Variants in GPC6 observed in about 807,000 individuals in gnomAD.
GPC6 encodes the protein glypican-6.
GPC6 carries 14 observed loss-of-function variants against 55.2 expected under a neutral mutation model. That is an observed-to-expected ratio of 0.25 (90% CI 0.17 to 0.40). The LOEUF is 0.40. Ranked by LOEUF, GPC6 falls within the 10% of genes least tolerant of loss-of-function variation. The pLI is 1.00. For synonymous variants in GPC6, 278 were observed against 259.6 expected, an observed-to-expected ratio of 1.07 and a Z score of -0.68; for missense variants, 641 against 708.5, an observed-to-expected ratio of 0.90 and a Z score of 1.08.
chr13:93,317,069 G>A (rs1365137836), intron 1 of GPC6, among the ~76,000 whole-genome samples: 2 of 152,076 alleles, frequency 1.3e-5, no homozygotes, highest in African/African-American at 4.8e-5. Context: ...GTTTAGTAAT[G>A]TAATGGGAGA....
At chr13:94,193,866 T>G (rs755075028) in intron 4 of GPC6, among the ~76,000 whole-genome samples, 4 of 152,214 alleles carry the variant, frequency 2.6e-5, no homozygotes, top group African/African-American at 4.8e-5. Flanking sequence ...GGTTGAGCTT[T>G]TGGCGGAATT....
intron 1 of GPC6, among the ~76,000 whole-genome samples, chr13:93,321,247 C>A (rs1028877096): frequency 6.6e-6 from 1 of 152,140 alleles, no homozygotes; most frequent in Non-Finnish European, 1.5e-5. Context: ...TTCAGCCTTC[C>A]CAGTGCCTAA....
chr13:93,848,065 C>T lies in GPC6; in HGVS notation c.711+17520C>T, dbSNP rs540659969. On this transcript the variant is annotated intron_variant, in intron 3 of 8. Coordinates refer to ENST00000377047, the MANE Select transcript of GPC6 (RefSeq NM_005708.5). ...CATTGACTCAATTTCTGGGGCCAGT[C>T]AATTTAATGTCAGCATCCCATAATC... Among the ~76,000 whole-genome samples the T allele has an allele frequency of 3.3e-5, 5 of 152,240 alleles. No individual in the cohort carries two copies. In the South Asian group the frequency reaches 1.0e-3, roughly 32 times the overall value.
chr13:94,114,703 T>G (rs1235862010), intron 4 of GPC6, among the ~76,000 whole-genome samples: 3 of 152,104 alleles, frequency 2.0e-5, no homozygotes, highest in Non-Finnish European at 4.4e-5. Context: ...CCTATCTGGT[T>G]TCAAATTTTA....
At chr13:93,523,073 A>G (rs1486756264) in intron 1 of GPC6, among the ~76,000 whole-genome samples, 5 of 151,378 alleles carry the variant, frequency 3.3e-5, no homozygotes, top group African/African-American at 9.7e-5. Context: ...ACATATACAT[A>G]TATGTGTGTA....
chr13:94,031,225 G>T (rs944501732), intron 4 of GPC6, among the ~76,000 whole-genome samples: 6 of 152,116 alleles, frequency 3.9e-5, no homozygotes, highest in Admixed American at 3.9e-4. Context: ...TTGCTCAAAA[G>T]ATTCTTACCA....
chr13:93,442,051 A>G (rs979432837), intron 1 of GPC6, among the ~76,000 whole-genome samples: 1 of 152,184 alleles, frequency 6.6e-6, no homozygotes, highest in Non-Finnish European at 1.5e-5. Context: ...ACAAAAGAAG[A>G]TAGATGATAA....
chr13:93,240,062 C>G (rs1876376933), intron 1 of GPC6, among the ~76,000 whole-genome samples: 1 of 152,000 alleles, frequency 6.6e-6, no homozygotes, highest in Admixed American at 6.5e-5. Context: ...TATGGTCTAT[C>G]TTGGAAACTA....
At chr13:94,039,058 C>T (rs1883437969) in intron 4 of GPC6, among the ~76,000 whole-genome samples, 1 of 151,858 alleles carries the variant, frequency 6.6e-6, no homozygotes, top group Admixed American at 6.6e-5. Context: ...TTGGTGACAC[C>T]AGGGGGGGAA....
At chr13:93,666,347 A>T (rs1245961133) in intron 2 of GPC6, among the ~76,000 whole-genome samples, 5 of 152,070 alleles carry the variant, frequency 3.3e-5, no homozygotes, top group African/African-American at 1.2e-4. Flanking sequence ...TATACTTTAA[A>T]AAAAAAAAGG....
At chr13:93,488,930 C>T (rs1442064791) in intron 1 of GPC6, among the ~76,000 whole-genome samples, 15 of 152,086 alleles carry the variant, frequency 9.9e-5, no homozygotes, top group South Asian at 2.1e-4. Flanking sequence ...TGCCTGTTCC[C>T]GCTGATGGTA....
intron 4 of GPC6, among the ~76,000 whole-genome samples, chr13:94,280,758 G>A (rs1372847630): frequency 2.6e-5 from 4 of 152,004 alleles, no homozygotes; most frequent in South Asian, 4.1e-4. Context: ...GCAGCAGATC[G>A]GTAAGAGTAG....
chr13:93,794,262 C>T (rs1886133876), intron 2 of GPC6, among the ~76,000 whole-genome samples: 1 of 152,180 alleles, frequency 6.6e-6, no homozygotes, highest in Non-Finnish European at 1.5e-5. Flanking sequence ...AGAAAAACCA[C>T]AGACTGGAAG....
chr13:93,932,183 G>C (rs1878211931), intron 3 of GPC6, among the ~76,000 whole-genome samples: 1 of 152,338 alleles, frequency 6.6e-6, no homozygotes, highest in Non-Finnish European at 1.5e-5. Context: ...ATGCTAAAAA[G>C]AGTGCTGATT....
rs530351665 is a variant in GPC6, at chr13:93,541,131, C to T, written c.161-4132C>T. ...TGCTGGTGTGCTGCACCCACTAACT[C>T]GTCATTTAGCATTAGGTATATCTCC... On this transcript the variant is annotated intron_variant, in intron 1 of 8. Transcript: ENST00000377047. 4.0e-5 allele frequency among the ~76,000 whole-genome samples: 6 copies of T among 149,494 alleles called. No homozygotes were observed. The South Asian group carries it at 1.1e-3, about 27-fold the overall frequency.
chr13:94,040,190 G>A (rs1243088437), intron 4 of GPC6, among the ~76,000 whole-genome samples: 2 of 151,778 alleles, frequency 1.3e-5, no homozygotes, highest in East Asian at 3.9e-4. Context: ...AAGCATGAAA[G>A]TTGTTAATTT....
chr13:94,167,812 A>C (rs956420161), intron 4 of GPC6, among the ~76,000 whole-genome samples: 1 of 152,204 alleles, frequency 6.6e-6, no homozygotes, highest in African/African-American at 2.4e-5. Context: ...GGGCTTTGTA[A>C]ACTACAGAGG....
chr13:94,119,772 A>G (rs1279405219), intron 4 of GPC6, among the ~76,000 whole-genome samples: 1 of 152,038 alleles, frequency 6.6e-6, no homozygotes, highest in Non-Finnish European at 1.5e-5. Context: ...TATGCTAGTA[A>G]ATGTTTAACA....
chr13:93,527,671 T>G (rs915028168), intron 1 of GPC6, among the ~76,000 whole-genome samples: 3 of 152,116 alleles, frequency 2.0e-5, no homozygotes, highest in African/African-American at 7.2e-5. Flanking sequence ...CTTTATTAAT[T>G]GAAAAAGTGA....
Sources: allele counts gnomAD v4.1 joint callset (sites outside exome capture counted in the v4.1 genomes callset), GRCh38; gene constraint gnomAD v4.1.1; transcripts MANE v1.5; gene names NCBI Gene and HGNC (gene_info 2026-07-23, HGNC 2026-07-21).